ZNF441: variants seen among roughly 807,000 people sequenced by gnomAD.
The protein encoded by ZNF441 is zinc finger protein 441.
In ZNF441, 25 loss-of-function variants were observed where a neutral mutation model predicts 64.5. The observed-to-expected ratio is 0.39, with a 90% confidence interval of 0.28 to 0.54. The LOEUF is 0.54. Ranked by LOEUF, ZNF441 falls within the 20% of genes least tolerant of loss-of-function variation. ZNF441 has a pLI of 0.70. For missense variants in ZNF441, 715 were observed against 843.3 expected (o/e 0.85, Z 1.88); for synonymous variants, 262 against 268.0 (o/e 0.98, Z 0.22).
chr19:11,777,840 C>A, intron 2 of ZNF441, 103 bp downstream of exon 2: 4 of 1,400,066 alleles, frequency 2.9e-6, no homozygotes, highest in Non-Finnish European at 3.8e-6. Context: ...TATAATTGGC[C>A]CTTGAACCAG....
intron 1 of ZNF441, among the ~76,000 whole-genome samples, chr19:11,776,457 G>C (rs1028679602): frequency 3.9e-5 from 6 of 152,094 alleles, no homozygotes; most frequent in African/African-American, 1.4e-4. Context: ...TTAGATGTTT[G>C]TGACTTCTAT....
At chr19:11,779,951 T>C (rs1446357783) in intron 3 of ZNF441, 68 bp from the exon 4 acceptor site, 1 of 1,281,118 alleles carries the variant, frequency 7.8e-7, no homozygotes, top group African/African-American at 1.5e-5. Flanking sequence ...GAAATGTAAA[T>C]CCAATACTTA....
chr19:11,779,269 T>C (rs1298295430), intron 3 of ZNF441, among the ~76,000 whole-genome samples: 2 of 148,732 alleles, frequency 1.3e-5, no homozygotes, highest in Non-Finnish European at 3.0e-5. Flanking sequence ...CAGTAAGCCC[T>C]GTTCACATTA....
In ZNF441 at chr19:11,768,356, G is replaced by A. The variant is rs3745664; in HGVS notation, c.3+1160G>A. ...GTGTTTGTGAACATTTCACATGAGA[G>A]GAAGCAGAGAAAAACCACCAGACAT... On this transcript the variant is annotated intron_variant, in intron 1 of 3. Transcript: ENST00000357901. 1.2e-4 allele frequency among the ~76,000 whole-genome samples: 18 copies of A among 152,268 alleles called. No homozygotes were observed. The East Asian group carries it at 2.3e-3, about 20-fold the overall frequency.
In ZNF441 at chr19:11,778,439, T is replaced by G. The variant is rs577750803; in HGVS notation, c.194+46T>G. The G allele has an allele frequency of 5.1e-6, 7 of 1,364,210 alleles. No individual in the cohort carries two copies. The South Asian group carries it at 9.4e-5, about 18-fold the overall frequency. 84.5% of individuals were successfully genotyped at this position (1,364,210 alleles called of 1,614,324 possible). ...AAAGCTGTGTCCTTGAAGTGATTCA[T>G]AGTATGCCAGAAATTTTATTTTATT... On this transcript the variant is annotated intron_variant, in intron 3 of 3. Transcript: ENST00000357901.
chr19:11,768,652 A>G (rs1229852709), intron 1 of ZNF441, among the ~76,000 whole-genome samples: 2 of 152,234 alleles, frequency 1.3e-5, no homozygotes, highest in Non-Finnish European at 2.9e-5. Context: ...CCCAGAGGAC[A>G]CCCTGAGGTG....
At chr19:11,771,710 C>T (rs1975314602) in intron 1 of ZNF441, among the ~76,000 whole-genome samples, 2 of 152,204 alleles carry the variant, frequency 1.3e-5, no homozygotes, top group Non-Finnish European at 2.9e-5. Flanking sequence ...CCAGGGGGCT[C>T]CTTGGTCTAG....
Position 11,783,408 on chromosome 19 carries a change from A to G in ZNF441, c.*1502A>G, listed in dbSNP as rs1975419563. 6.6e-6 allele frequency: 1 copy of G among 152,218 alleles called. No homozygotes were observed. Among genetic ancestry groups the G allele is most frequent in the Admixed American group, 6.5e-5 (1 of 15,282 alleles). 9.4% of individuals were successfully genotyped at this position (152,218 alleles called of 1,614,324 possible). ...AAAAACCTAAAAATAGAACCACCAC[A>G]TGATCCAGCAAACCAAGTATAACCA... is the stretch of plus-strand genomic sequence containing the variant. On this transcript the variant is annotated 3_prime_UTR_variant, in exon 4 of 4. Coordinates refer to ENST00000357901, the MANE Select transcript of ZNF441 (RefSeq NM_152355.3).
rs1056449454 is a variant in ZNF441 at position 11,778,348 on chromosome 19, A to G, written c.149A>G (p.His50Arg). Reference sequence around the variant, plus strand: ...CTTTTAGGAATGATATGGCAAAATCATGATATAGAAGAAGATCAGTACAAA... The same window carrying G: ...CTTTTAGGAATGATATGGCAAAATCGTGATATAGAAGAAGATCAGTACAAA... Reference protein sequence around the residue: ...LDCIGMIWQNHDIEEDQYKDL... With the variant: ...LDCIGMIWQNRDIEEDQYKDL... The change falls in exon 3 of 4, where the codon CAT becomes CGT. Residue 50 changes from histidine (H) to arginine (R), a missense_variant. Physicochemically the swap from His to Arg is conservative, Grantham distance 29. Transcript: ENST00000357901. 1.9e-6 allele frequency: 3 copies of G among 1,545,310 alleles called. No homozygotes were observed. The highest frequency in any genetic ancestry group is 4.0e-5 in the Admixed American group (2 of 49,522).
In ZNF441 at chr19:11,780,375, A is replaced by G. The variant is rs774045621; in HGVS notation, c.551A>G (p.Gln184Arg). The G allele has an allele frequency of 2.5e-6, 4 of 1,614,108 alleles. No individual in the cohort carries two copies. In the East Asian group the frequency reaches 8.9e-5, roughly 36 times the overall value. The change falls in exon 4 of 4, where the codon CAA (glutamine) becomes CGA (arginine). Residue 184 changes from glutamine (Q) to arginine (R), a missense_variant. This residue lies in a region of ZNF441 where 399 missense variants were observed against 413.9 expected (regional missense o/e 0.96). Transcript: ENST00000357901. ...CASFSSLENL[Q>R]RHMAAHHGDG... ...AGCTTCAGTTCTCTTGAAAACCTTC[A>G]AAGACACATGGCAGCACACCATGGA... is the stretch of plus-strand genomic sequence containing the variant.
intron 1 of ZNF441, among the ~76,000 whole-genome samples, chr19:11,771,819 G>T (rs954191058): frequency 6.6e-6 from 1 of 152,212 alleles, no homozygotes; most frequent in African/African-American, 2.4e-5. Context: ...AGCAGACCGG[G>T]AAAGGGAGTC....
At chr19:11,778,878 C>A (rs1458011777) in intron 3 of ZNF441, among the ~76,000 whole-genome samples, 1 of 152,182 alleles carries the variant, frequency 6.6e-6, no homozygotes, top group Admixed American at 6.5e-5. Flanking sequence ...TCAGTGCCTG[C>A]AAAATAGTTC....
chr19:11,768,470 T>C (rs1038243955), intron 1 of ZNF441, among the ~76,000 whole-genome samples: 1 of 152,226 alleles, frequency 6.6e-6, no homozygotes, highest in Non-Finnish European at 1.5e-5. Context: ...CTTTTGAGAA[T>C]GTCTTTGGAT....
intron 1 of ZNF441, among the ~76,000 whole-genome samples, chr19:11,772,252 C>A (rs1001241951): frequency 6.6e-6 from 1 of 152,212 alleles, no homozygotes; most frequent in Admixed American, 6.5e-5. Context: ...CATTTGGGGC[C>A]ACTACTGGTC....
Position 11,781,308 on chromosome 19 carries a change from T to C in ZNF441, c.1484T>C (p.Ile495Thr). The change falls in exon 4 of 4, where the codon ATA (isoleucine) becomes ACA (threonine). Residue 495 changes from isoleucine to threonine, a missense_variant. Physicochemically the swap from Ile to Thr is moderately conservative, Grantham distance 89. Coordinates refer to ENST00000357901, the MANE Select transcript of ZNF441 (RefSeq NM_152355.3). ...CTGAAAAGCTTTCAGAGACACATGA[T>C]AATGCACACTGGAGATGGACCTCAT... Reference protein sequence around the residue: ...SHLKSFQRHMIMHTGDGPHKC... With the variant: ...SHLKSFQRHMTMHTGDGPHKC... 6.2e-7 allele frequency: 1 copy of C among 1,613,616 alleles called. No individual in the cohort carries two copies. The highest frequency in any genetic ancestry group is 8.5e-7 in the Non-Finnish European group (1 of 1,179,922).
chr19:11,780,541 T>C lies in ZNF441; in HGVS notation c.717T>C (p.Thr239=). The stretch of plus-strand genomic sequence containing the variant: ...CAGCGTTTCCTGCTTATAGTTCCAC[T>C]CTAAGACATGAAAGAACACACAGTG... ...CSTAFPAYSS[T]LRHERTHSGE... is the part of the protein sequence containing the mutation. The change falls in exon 4 of 4, where the codon ACT becomes ACC. Residue 239 remains threonine, a synonymous_variant. Transcript: ENST00000357901. 1 of 1,614,140 alleles carries C rather than the reference T, an allele frequency of 6.2e-7. No homozygotes were observed. The highest frequency in any genetic ancestry group is 2.2e-5 in the East Asian group (1 of 44,882).
At chr19:11,775,713 C>T (rs375046717) in intron 1 of ZNF441, among the ~76,000 whole-genome samples, 18 of 150,756 alleles carry the variant, frequency 1.2e-4, no homozygotes, top group African/African-American at 2.7e-4. Context: ...CTGCAACCTC[C>T]GATTCGCAGG....
chr19:11,783,256 A>T lies in ZNF441; in HGVS notation c.*1350A>T, dbSNP rs954838060. On this transcript the variant is annotated 3_prime_UTR_variant, in exon 4 of 4. Transcript: ENST00000357901. ...AACCACAATGAGATACTCTACTTAG[A>T]ATTGTTCTTACTAAAAAAGATAAAA... The T allele has an allele frequency of 1.3e-5, 2 of 152,162 alleles. No individual in the cohort carries two copies. The highest frequency in any genetic ancestry group is 2.4e-5 in the African/African-American group (1 of 41,448). The allele number at this position is 152,162 out of a possible 1,614,324, so 9.4% of individuals were successfully genotyped here.
chr19:11,779,988 C>A, intron 3 of ZNF441, 31 bp from the exon 4 acceptor site: 3 of 1,484,896 alleles, frequency 2.0e-6, no homozygotes, highest in South Asian at 1.2e-5. Context: ...TATAAACAAA[C>A]CTTTACTAAT....
Sources: allele counts gnomAD v4.1 joint callset (sites outside exome capture counted in the v4.1 genomes callset), GRCh38; gene constraint gnomAD v4.1.1; regional missense constraint gnomAD v4.1.1; transcripts MANE v1.5; gene names NCBI Gene and HGNC (gene_info 2026-07-23, HGNC 2026-07-21).